MAP4K5: variants seen among roughly 807,000 people sequenced by gnomAD.
MAP4K5 encodes the protein mitogen-activated protein kinase kinase kinase kinase 5.
A neutral mutation model predicts 135.6 loss-of-function variants in MAP4K5; 82 were observed. That is an observed-to-expected ratio of 0.60 (90% confidence interval 0.51 to 0.73). MAP4K5 has a LOEUF of 0.73. MAP4K5 is among the 30% of genes least tolerant of loss of function. MAP4K5 has a pLI of 0.00. For missense variants in MAP4K5, 907 were observed against 1,010.9 expected (o/e 0.90, Z 1.39); for synonymous variants, 347 against 335.0 (o/e 1.04, Z -0.39).
chr14:50,436,006 T>C (rs1339624262), intron 26 of MAP4K5, among the ~76,000 whole-genome samples: 2 of 152,212 alleles, frequency 1.3e-5, no homozygotes, highest in Non-Finnish European at 2.9e-5. Context: ...AGAAAAATAA[T>C]ATTTATAGCA....
intron 23 of MAP4K5, among the ~76,000 whole-genome samples, chr14:50,438,607 T>C (rs981697416): frequency 6.6e-6 from 1 of 152,090 alleles, no homozygotes; most frequent in African/African-American, 2.4e-5. Flanking sequence ...ATGGTAAACA[T>C]CATCTGATTT....
Position 50,488,479 on chromosome 14 carries a change from A to G in MAP4K5, c.167-2285T>C, listed in dbSNP as rs75372590. On this transcript the variant is annotated intron_variant, in intron 3 of 32. Coordinates refer to ENST00000682126, the MANE Select transcript of MAP4K5 (RefSeq NM_006575.6). The stretch of plus-strand genomic sequence containing the variant: ...GCTATGCTGAGAAATTCTTCAGTTA[A>G]GTCTGGGATTTAGAACAGATTTTCT... 6.3e-3 allele frequency among the ~76,000 whole-genome samples: 967 copies of G among 152,348 alleles called. 21 individuals are homozygous for G. The highest frequency in any genetic ancestry group is 0.046 in the Admixed American group (701 of 15,300).
intron 27 of MAP4K5, 55 bp downstream of exon 27, chr14:50,434,907 C>T: frequency 9.6e-7 from 1 of 1,037,744 alleles, no homozygotes. Context: ...ATTTTAGCTT[C>T]AGTTATACAC....
Position 50,532,019 on chromosome 14 carries a change from T to C in MAP4K5, c.31A>G (p.Ile11Val), listed in dbSNP as rs780603192. 3.6e-5 allele frequency: 57 copies of C among 1,589,542 alleles called. No homozygotes were observed. Among genetic ancestry groups the C allele is most frequent in the African/African-American group, 8.1e-5 (6 of 74,134 alleles). MEAPLRPAAD[I>V]LRRNPQQDYE... The stretch of plus-strand genomic sequence containing the variant: ...TCCTGCTGCGGGTTCCGCCTCAGGA[T>C]GTCCGCGGCAGGCCGCAGCGGGGCC... The change falls in exon 2 of 33, where the codon ATC (isoleucine) becomes GTC (valine). Residue 11 changes from isoleucine (I) to valine (V), a missense_variant. Physicochemically the swap from Ile to Val is conservative, Grantham distance 29. Coordinates refer to ENST00000682126, the MANE Select transcript of MAP4K5 (RefSeq NM_006575.6).
intron 14 of MAP4K5, among the ~76,000 whole-genome samples, chr14:50,450,810 C>T (rs1329253128): frequency 6.6e-6 from 1 of 152,084 alleles, no homozygotes; most frequent in African/African-American, 2.4e-5. Context: ...AGTAGACATA[C>T]CAGGTAATTA....
At chr14:50,443,423 T>C (rs993413040) in intron 20 of MAP4K5, among the ~76,000 whole-genome samples, 2 of 152,060 alleles carry the variant, frequency 1.3e-5, no homozygotes, top group African/African-American at 2.4e-5. Context: ...ACTTTAGAGG[T>C]AGAAAGATAT....
intron 6 of MAP4K5, among the ~76,000 whole-genome samples, chr14:50,479,326 G>T (rs942555103): frequency 6.6e-6 from 1 of 151,298 alleles, no homozygotes; most frequent in South Asian, 2.1e-4. Flanking sequence ...TTCTTTCCAT[G>T]TTTCATTTTG....
At chr14:50,508,579 G>T (rs551788732) in intron 2 of MAP4K5, among the ~76,000 whole-genome samples, 1 of 151,950 alleles carries the variant, frequency 6.6e-6, no homozygotes, top group East Asian at 1.9e-4. Flanking sequence ...GGTGGGGGGA[G>T]AGGGGAGGGA....
At chr14:50,560,673 A>C (rs188235046) in intron 1 of MAP4K5, among the ~76,000 whole-genome samples, 51 of 152,190 alleles carry the variant, frequency 3.4e-4, no homozygotes, top group African/African-American at 1.2e-3. Context: ...GGCTGTTGTT[A>C]CTCGGCCCCA....
At chr14:50,541,398 C>A (rs1392346532) in intron 2 of MAP4K5, among the ~76,000 whole-genome samples, 1 of 152,172 alleles carries the variant, frequency 6.6e-6, no homozygotes, top group Non-Finnish European at 1.5e-5. Flanking sequence ...AGTTCAGGAA[C>A]CTGACACATT....
intron 8 of MAP4K5, 138 bp from the exon 9 acceptor site, chr14:50,475,287 C>A (rs2037070463): frequency 1.5e-6 from 1 of 647,176 alleles, no homozygotes. Flanking sequence ...ATACCTAAAT[C>A]TCTTCTTGCT....
chr14:50,425,547 T>C (rs1473579713), intron 31 of MAP4K5, among the ~76,000 whole-genome samples: 2 of 152,208 alleles, frequency 1.3e-5, no homozygotes, highest in East Asian at 1.9e-4. Flanking sequence ...CCATTATGTA[T>C]TAATTTAGAT....
intron 9 of MAP4K5, chr14:50,472,673 G>A (rs1191886765): frequency 6.6e-6 from 1 of 152,186 alleles, no homozygotes; most frequent in African/African-American, 2.4e-5. Context: ...CATATGGAAT[G>A]TGGGGATGCC....
intron 1 of MAP4K5, among the ~76,000 whole-genome samples, chr14:50,555,686 AT>A (rs1199620969): frequency 6.6e-6 from 1 of 152,170 alleles, no homozygotes; most frequent in Non-Finnish European, 1.5e-5. Context: ...AGCCGTTGTA[AT>A]TTTTATAGTA....
intron 14 of MAP4K5, among the ~76,000 whole-genome samples, chr14:50,453,705 A>G (rs903439038): frequency 1.3e-5 from 2 of 152,150 alleles, no homozygotes; most frequent in African/African-American, 4.8e-5. Flanking sequence ...GGTTTACTTT[A>G]ACAGCGGAGA....
At chr14:50,453,864 C>G (rs1040824996) in intron 14 of MAP4K5, among the ~76,000 whole-genome samples, 2 of 152,084 alleles carry the variant, frequency 1.3e-5, no homozygotes, top group Admixed American at 6.6e-5. Context: ...TGTGTGTTCT[C>G]TCTCACTGCA....
chr14:50,455,633 G>A (rs946345955), intron 14 of MAP4K5, among the ~76,000 whole-genome samples: 1 of 152,014 alleles, frequency 6.6e-6, no homozygotes, highest in African/African-American at 2.4e-5. Flanking sequence ...GCTATGTCCA[G>A]AAAGCTAGAA....
intron 14 of MAP4K5, among the ~76,000 whole-genome samples, chr14:50,453,457 A>T (rs1161693353): frequency 1.3e-5 from 2 of 152,142 alleles, no homozygotes; most frequent in Non-Finnish European, 2.9e-5. Context: ...AGTTTCATAT[A>T]ATGACCCCCT....
At chr14:50,509,626 G>T (rs2037888225) in intron 2 of MAP4K5, among the ~76,000 whole-genome samples, 1 of 150,960 alleles carries the variant, frequency 6.6e-6, no homozygotes, top group African/African-American at 2.4e-5. Flanking sequence ...TCGAATAAAA[G>T]TTAGTAGCCT....
Sources: allele counts gnomAD v4.1 joint callset (sites outside exome capture counted in the v4.1 genomes callset), GRCh38; gene constraint gnomAD v4.1.1; transcripts MANE v1.5; gene names NCBI Gene and HGNC (gene_info 2026-07-23, HGNC 2026-07-21).